Variants in LRPPRC observed in about 807,000 individuals in gnomAD.
The protein encoded by LRPPRC is leucine-rich PPR motif-containing protein, mitochondrial.
Under a neutral mutation model 180.3 loss-of-function variants are expected in LRPPRC, and 120 were observed. That is an observed-to-expected ratio of 0.67 (90% CI 0.57 to 0.77). The LOEUF (loss-of-function observed/expected upper bound fraction) is 0.77. LRPPRC is among the 30% of genes least tolerant of loss of function. The pLI is 0.00. For synonymous variants in LRPPRC, 723 were observed against 600.0 expected (o/e 1.21, Z -3.00); for missense variants, 2,012 against 1,657.2 (o/e 1.21, Z -3.72).
chr2:43,977,819 G>C (rs1477267419), intron 3 of LRPPRC, among the ~76,000 whole-genome samples: 1 of 151,764 alleles, frequency 6.6e-6, no homozygotes, highest in East Asian at 1.9e-4. Flanking sequence ...TACTGTTTAG[G>C]GCCACATCAA....
At chr2:43,972,133 G>T (rs1256510038) in intron 11 of LRPPRC, among the ~76,000 whole-genome samples, 1 of 152,116 alleles carries the variant, frequency 6.6e-6, no homozygotes, top group Non-Finnish European at 1.5e-5. Flanking sequence ...TTTAAAAGGA[G>T]GACAGAAACC....
intron 1 of LRPPRC, among the ~76,000 whole-genome samples, chr2:43,992,212 A>G (rs1172731664): frequency 6.6e-6 from 1 of 152,188 alleles, no homozygotes; most frequent in Non-Finnish European, 1.5e-5. Flanking sequence ...CTAAGGGGGA[A>G]GGGGAGACAC....
At chr2:43,963,431 A>T (rs1298342822) in intron 12 of LRPPRC, 157 bp downstream of exon 12, 1 of 666,280 alleles carries the variant, frequency 1.5e-6, no homozygotes, top group Non-Finnish European at 2.7e-6. Context: ...GCAATGAGAG[A>T]GAAACTCCAT....
chr2:43,977,583 A>C (rs1674116309), intron 3 of LRPPRC, among the ~76,000 whole-genome samples: 1 of 152,166 alleles, frequency 6.6e-6, no homozygotes, highest in Non-Finnish European at 1.5e-5. Context: ...CTATATTTAA[A>C]AGTGACTGTA....
chr2:43,976,238 GA>G lies in LRPPRC; in HGVS notation c.651-10del. ...TAAATCCAAGAATCTTGCTGCAAAG[GA>G]AAAACGAAGATACTCATTGAAAGTA... On this transcript the variant is annotated splice_polypyrimidine_tract_variant and intron_variant, in intron 5 of 37. Coordinates refer to ENST00000260665, the MANE Select transcript of LRPPRC (RefSeq NM_133259.4). 1 of 1,457,924 alleles carries G rather than the reference GA, an allele frequency of 6.9e-7. No individual in the cohort carries two copies. The highest frequency in any genetic ancestry group is 9.6e-7 in the Non-Finnish European group (1 of 1,037,602). The allele number at this position is 1,457,924 out of a possible 1,614,324, so 90.3% of individuals were successfully genotyped here.
chr2:43,899,107 T>G (rs1378447440), intron 34 of LRPPRC, 112 bp downstream of exon 34: 1 of 753,774 alleles, frequency 1.3e-6, no homozygotes, highest in African/African-American at 1.7e-5. Flanking sequence ...ACAAGCTAGC[T>G]GCACACCACA....
intron 6 of LRPPRC, among the ~76,000 whole-genome samples, chr2:43,975,610 T>G (rs1674020192): frequency 6.6e-6 from 1 of 150,970 alleles, no homozygotes; most frequent in Non-Finnish European, 1.5e-5. Flanking sequence ...TGAGATGGAG[T>G]CTTGCTCTGT....
intron 1 of LRPPRC, among the ~76,000 whole-genome samples, chr2:43,990,354 G>C (rs913673589): frequency 3.9e-5 from 6 of 152,030 alleles, no homozygotes; most frequent in Admixed American, 2.6e-4. Context: ...GGATCTTTTC[G>C]TCAGTTCTTT....
chr2:43,901,699 T>C, intron 31 of LRPPRC, 175 bp from the exon 32 acceptor site: 1 of 609,302 alleles, frequency 1.6e-6, no homozygotes, highest in East Asian at 2.8e-5. Flanking sequence ...CCAAAAATTA[T>C]TTACTTGACT....
At position 43,887,336 on chromosome 2, in the gene LRPPRC, C is replaced by T. The variant is rs746797688; in HGVS notation, c.*1264G>A. ...AAAAGCCTGGCCAATACCATGATGA[C>T]ATCTACTTCCTGGCTTCCCGCCATC... On this transcript the variant is annotated 3_prime_UTR_variant, in exon 38 of 38. Coordinates refer to ENST00000260665, the MANE Select transcript of LRPPRC (RefSeq NM_133259.4). 4 of 152,168 alleles carry T rather than the reference C, an allele frequency of 2.6e-5. No individual in the cohort carries two copies. The highest frequency in any genetic ancestry group is 6.5e-5 in the Admixed American group (1 of 15,276). The allele number at this position is 152,168 out of a possible 1,614,324, so 9.4% of individuals were successfully genotyped here.
chr2:43,995,376 A>C (rs754831194), intron 1 of LRPPRC, among the ~76,000 whole-genome samples: 1 of 152,226 alleles, frequency 6.6e-6, no homozygotes, highest in African/African-American at 2.4e-5. Context: ...GCAAAAAGCT[A>C]AATTTCCAAT....
At position 43,912,451 on chromosome 2, in the gene LRPPRC, C is replaced by T. The variant is rs1325196155; in HGVS notation, c.3256G>A (p.Ala1086Thr). The change falls in exon 30 of 38, where the codon GCA (alanine) becomes ACA (threonine). Residue 1086 changes from alanine to threonine, a missense_variant. Transcript: ENST00000260665. ...ACTTACAATGCTTTCACTTCCATTG[C>T]TTGTGTAAAATAATCTTCTGACATC... is the stretch of plus-strand genomic sequence containing the variant. ...LLMSEDYFTQ[A>T]MEVKAFAETH... 2.5e-6 allele frequency: 4 copies of T among 1,609,456 alleles called. No individual in the cohort carries two copies. The highest frequency in any genetic ancestry group is 1.3e-5 in the African/African-American group (1 of 74,916).
At chr2:43,900,144 A>G (rs2104991097) in intron 32 of LRPPRC, among the ~76,000 whole-genome samples, 2 of 152,234 alleles carry the variant, frequency 1.3e-5, no homozygotes, top group Middle Eastern at 6.8e-3. Flanking sequence ...TCTTTTTGTC[A>G]GGTATTATAC....
intron 4 of LRPPRC, 33 bp from the exon 5 acceptor site, chr2:43,977,085 A>G (rs1260074489): frequency 6.2e-7 from 1 of 1,609,950 alleles, no homozygotes; most frequent in Admixed American, 1.7e-5. Flanking sequence ...AATTTTAAAT[A>G]TACTTTTTTT....
At chr2:43,892,326 C>A (rs925772004) in intron 36 of LRPPRC, among the ~76,000 whole-genome samples, 4 of 152,198 alleles carry the variant, frequency 2.6e-5, no homozygotes, top group African/African-American at 9.6e-5. Context: ...ATGGCTAATG[C>A]AGCTGGTGAC....
At chr2:43,897,340 T>C (rs917420113) in intron 34 of LRPPRC, among the ~76,000 whole-genome samples, 10 of 152,190 alleles carry the variant, frequency 6.6e-5, no homozygotes, top group East Asian at 5.8e-4. Context: ...TTAGATGCTA[T>C]AGTAAAATCA....
intron 35 of LRPPRC, among the ~76,000 whole-genome samples, chr2:43,895,588 T>A (rs1670649393): frequency 6.6e-6 from 1 of 152,192 alleles, no homozygotes; most frequent in Non-Finnish European, 1.5e-5. Context: ...GAAGGGGCAA[T>A]TAAATATTTT....
chr2:43,909,483 G>T (rs2105007812), intron 30 of LRPPRC, among the ~76,000 whole-genome samples: 1 of 152,242 alleles, frequency 6.6e-6, no homozygotes, highest in African/African-American at 2.4e-5. Flanking sequence ...CAGAGTTTCA[G>T]TTATGGAACA....
chr2:43,931,630 G>A (rs1334928884), intron 25 of LRPPRC, among the ~76,000 whole-genome samples: 1 of 152,112 alleles, frequency 6.6e-6, no homozygotes, highest in Non-Finnish European at 1.5e-5. Context: ...AGGTAATGGT[G>A]GTGGATTTTT....
Sources: allele counts gnomAD v4.1 joint callset (sites outside exome capture counted in the v4.1 genomes callset), GRCh38; gene constraint gnomAD v4.1.1; transcripts MANE v1.5; gene names NCBI Gene and HGNC (gene_info 2026-07-23, HGNC 2026-07-21).